LYRM4: variants seen among roughly 807,000 people sequenced by gnomAD.
LYRM4 encodes the protein LYR motif containing 4.
LYRM4 carries 9 observed loss-of-function variants against 11.7 expected under a neutral mutation model. The ratio of observed to expected loss-of-function variants is 0.77; its 90% CI spans 0.46 to 1.34. LYRM4 has a LOEUF of 1.34. LYRM4 is among the 40% of genes most tolerant of loss of function. The pLI is 0.00. For missense variants in LYRM4, 133 were observed against 112.5 expected, an observed-to-expected ratio of 1.18 and a Z score of -0.82; for synonymous variants, 42 against 40.4, an observed-to-expected ratio of 1.04 and a Z score of -0.15.
chr6:5,176,067 AT>A (rs35408965), intron 2 of LYRM4, among the ~76,000 whole-genome samples: 4,613 of 148,742 alleles, frequency 0.031, 228 homozygotes, highest in African/African-American at 0.11. Context: ...TACGCTATTA[AT>A]TTTTTTTTTT....
At chr6:5,201,063 A>G (rs959428566) in intron 2 of LYRM4, among the ~76,000 whole-genome samples, 1 of 151,972 alleles carries the variant, frequency 6.6e-6, no homozygotes, top group Non-Finnish European at 1.5e-5. Flanking sequence ...TTGTTTTGAG[A>G]TTGGTTATGG....
chr6:5,121,450 G>A (rs1286019583), intron 2 of LYRM4, among the ~76,000 whole-genome samples: 1 of 152,216 alleles, frequency 6.6e-6, no homozygotes, highest in Non-Finnish European at 1.5e-5. Context: ...CTGATGGTCA[G>A]TGCAGAGAAG....
chr6:5,190,887 T>G (rs1302867585), intron 2 of LYRM4, among the ~76,000 whole-genome samples: 3 of 152,236 alleles, frequency 2.0e-5, no homozygotes, highest in African/African-American at 7.2e-5. Context: ...AGATATGTTA[T>G]GCAAAACTTT....
downstream of LYRM4, among the ~76,000 whole-genome samples, chr6:5,101,858 C>T: frequency 6.6e-6 from 1 of 151,876 alleles, no homozygotes; most frequent in Non-Finnish European, 1.5e-5. Context: ...TGCAGTGGTG[C>T]AATCATGGCT....
At chr6:5,054,651 C>T in the LYRM4 span, among the ~76,000 whole-genome samples, 2 of 152,278 alleles carry the variant, frequency 1.3e-5, no homozygotes, top group South Asian at 2.1e-4. Flanking sequence ...CAAAAAATAC[C>T]TGAAAAACCA....
At chr6:5,107,636 A>AT (rs1012849195), downstream of LYRM4, 5 of 152,210 alleles carry the variant, frequency 3.3e-5, no homozygotes, top group African/African-American at 1.2e-4. Context: ...GGCTTTGCAT[A>AT]TGCTCTAACA....
intron 2 of LYRM4, among the ~76,000 whole-genome samples, chr6:5,159,152 C>G (rs993364004): frequency 6.6e-6 from 1 of 152,244 alleles, no homozygotes; most frequent in African/African-American, 2.4e-5. Context: ...TCGTACTCTT[C>G]CAAAGGAACT....
At chr6:5,243,696 C>T (rs190340775) in intron 1 of LYRM4, among the ~76,000 whole-genome samples, 6 of 152,202 alleles carry the variant, frequency 3.9e-5, no homozygotes, top group Admixed American at 2.6e-4. Flanking sequence ...ATAATAGAAG[C>T]TATGAAACAA....
the LYRM4 span, among the ~76,000 whole-genome samples, chr6:5,058,282 G>A: frequency 6.6e-6 from 1 of 152,172 alleles, no homozygotes; most frequent in African/African-American, 2.4e-5. Flanking sequence ...ACCAAGCCTT[G>A]CACAGTGTGA....
chr6:5,174,568 T>C (rs929764941), intron 2 of LYRM4, among the ~76,000 whole-genome samples: 1 of 152,182 alleles, frequency 6.6e-6, no homozygotes, highest in Admixed American at 6.5e-5. Context: ...AAGGAGGCTA[T>C]TTATAAACTT....
At chr6:5,081,146 G>GGGCA in the LYRM4 span, among the ~76,000 whole-genome samples, 1 of 130,574 alleles carries the variant, frequency 7.7e-6, no homozygotes, top group Non-Finnish European at 1.6e-5. Flanking sequence ...GGGGGGGGGG[G>GGGCA]GGGGTAGACT....
At chr6:5,046,112 T>A in the LYRM4 span, among the ~76,000 whole-genome samples, 5 of 152,162 alleles carry the variant, frequency 3.3e-5, no homozygotes, top group African/African-American at 1.2e-4. Flanking sequence ...TTACCACAGC[T>A]TTTTTAAGGA....
rs530638429 is a variant in LYRM4 at position 5,226,623 on chromosome 6, C to T, written c.87-9885G>A. On this transcript the variant is annotated intron_variant, in intron 1 of 2. Coordinates refer to ENST00000330636, the MANE Select transcript of LYRM4 (RefSeq NM_020408.6). Reference sequence around the variant, plus strand: ...AACTCCCGACCTCAGGTGATCCGCCCGCCTCAGCCTCCCAAATTGCTGGAA... The same window carrying T: ...AACTCCCGACCTCAGGTGATCCGCCTGCCTCAGCCTCCCAAATTGCTGGAA... 3.8e-4 allele frequency among the ~76,000 whole-genome samples: 58 copies of T among 152,192 alleles called. 1 individual carries two copies. The highest frequency in any genetic ancestry group is 1.2e-3 in the Admixed American group (19 of 15,278).
At chr6:5,245,841 C>T (rs1764173489) in intron 1 of LYRM4, among the ~76,000 whole-genome samples, 1 of 152,146 alleles carries the variant, frequency 6.6e-6, no homozygotes, top group Non-Finnish European at 1.5e-5. Flanking sequence ...GACAGAGGGA[C>T]AGCATGAGCA....
the LYRM4 span, among the ~76,000 whole-genome samples, chr6:5,037,632 C>A: frequency 3.1e-4 from 18 of 58,514 alleles, no homozygotes; most frequent in Admixed American, 6.7e-4. Context: ...GCTGGCCGGG[C>A]GGGGGGCTGA....
chr6:5,085,925 A>G, the LYRM4 span: 1 of 1,528,144 alleles, frequency 6.5e-7, no homozygotes, highest in African/African-American at 1.4e-5. Context: ...AGCGTGAAGC[A>G]CTTCAGCGAG....
chr6:5,111,592 T>C (rs1449815245), intron 2 of LYRM4, among the ~76,000 whole-genome samples: 1 of 152,232 alleles, frequency 6.6e-6, no homozygotes, highest in Non-Finnish European at 1.5e-5. Context: ...CTTCCAACTC[T>C]CAGCTTCTGT....
chr6:5,048,048 C>T, the LYRM4 span, among the ~76,000 whole-genome samples: 15 of 152,286 alleles, frequency 9.8e-5, no homozygotes, highest in Admixed American at 5.2e-4. Context: ...GGTCATTGAA[C>T]GGTCATGGAT....
chr6:5,191,037 G>T (rs1311847444), intron 2 of LYRM4, among the ~76,000 whole-genome samples: 3 of 151,926 alleles, frequency 2.0e-5, no homozygotes, highest in Non-Finnish European at 4.4e-5. Flanking sequence ...ATTTTAATAA[G>T]AATTTTTCCT....
Sources: allele counts gnomAD v4.1 joint callset (sites outside exome capture counted in the v4.1 genomes callset), GRCh38; gene constraint gnomAD v4.1.1; transcripts MANE v1.5; gene names NCBI Gene and HGNC (gene_info 2026-07-23, HGNC 2026-07-21).